ZNF451: variants seen among roughly 807,000 people sequenced by gnomAD.
ZNF451 encodes the protein zinc finger protein 451.
Under a neutral mutation model 107.1 loss-of-function variants are expected in ZNF451, and 80 were observed. The observed-to-expected ratio is 0.75, with a 90% CI of 0.62 to 0.90. The LOEUF (loss-of-function observed/expected upper bound fraction) is 0.90. Among genes scored for constraint, ZNF451 ranks in the 40% least tolerant of loss-of-function variants. ZNF451 has a pLI of 0.00. For missense variants in ZNF451, 1,107 were observed against 1,236.2 expected (o/e 0.90, Z 1.57); for synonymous variants, 362 against 406.5 (o/e 0.89, Z 1.32).
chr6:57,125,050 A>G (rs1201213492), intron 4 of ZNF451, among the ~76,000 whole-genome samples, 191 bp downstream of exon 4: 2 of 152,118 alleles, frequency 1.3e-5, no homozygotes, highest in Non-Finnish European at 2.9e-5. Flanking sequence ...TCTTATCTGT[A>G]TATAGGAAAA....
intron 3 of ZNF451, chr6:57,109,689 G>A (rs759443705): frequency 3.4e-5 from 33 of 974,956 alleles, no homozygotes; most frequent in Non-Finnish European, 3.9e-5. Flanking sequence ...AGTGTACTAA[G>A]TCATTAAAAG....
intron 3 of ZNF451, chr6:57,102,631 G>T: frequency 1.0e-6 from 1 of 986,104 alleles, no homozygotes; most frequent in South Asian, 4.7e-5. Context: ...AACTCACCAA[G>T]AGTCCGTACT....
chr6:57,160,761 T>C (rs561093692), intron 13 of ZNF451: 1 of 196,094 alleles, frequency 5.1e-6, no homozygotes, highest in Non-Finnish European at 1.0e-5. Context: ...TACCGTATTA[T>C]AAAGCCTTCG....
At chr6:57,099,509 G>T in intron 3 of ZNF451, 1 of 716,882 alleles carries the variant, frequency 1.4e-6, no homozygotes, top group South Asian at 1.5e-5. Context: ...AGAACCACAT[G>T]ACCACAGAAA....
In ZNF451 at chr6:57,117,813, C is replaced by T. The variant is rs901644513; in HGVS notation, c.187-6921C>T. On this transcript the variant is annotated intron_variant, in intron 3 of 14. Coordinates refer to ENST00000370706, the MANE Select transcript of ZNF451 (RefSeq NM_001031623.3). The stretch of plus-strand genomic sequence containing the variant: ...GTAAAGCTTTCCTGAATGACTATAA[C>T]TTCAAAAGTAACTTAAAATGGTTTT... Among the ~76,000 whole-genome samples, 12 of 152,200 alleles carry T rather than the reference C, an allele frequency of 7.9e-5. 2 individuals carry two copies. The highest frequency in any genetic ancestry group is 7.2e-4 in the Admixed American group (11 of 15,294).
chr6:57,148,672 G>T lies in ZNF451; in HGVS notation c.2587G>T (p.Asp863Tyr). The T allele has an allele frequency of 6.2e-7, 1 of 1,610,064 alleles. No homozygotes were observed. Among genetic ancestry groups the T allele is most frequent in the South Asian group, 1.1e-5 (1 of 90,550 alleles). Reference protein sequence around the residue: ...SLDMEKGVENDLSYQNIEEEI... With the variant: ...SLDMEKGVENYLSYQNIEEEI... ...AGACATGGAGAAAGGAGTTGAGAAT[G>T]ACCTAAGCTATCAGAATATAGGTAT... The change falls in exon 10 of 15, where the codon GAC becomes TAC. Residue 863 changes from aspartate to tyrosine, a missense_variant. Asp to Tyr is a radical substitution (Grantham distance 160). Transcript: ENST00000370706.
rs571822406 is a variant in ZNF451 at position 57,096,952 on chromosome 6, T to C, written c.106-2109T>C. Among the ~76,000 whole-genome samples the C allele has an allele frequency of 3.4e-3, 509 of 151,868 alleles. 3 individuals carry two copies. The highest frequency in any genetic ancestry group is 0.023 in the South Asian group (109 of 4,798). On this transcript the variant is annotated intron_variant, in intron 2 of 14. Transcript: ENST00000370706. ...CACTACACCCTATTCCTATTTTTAG[T>C]GGAGACAGGGTTTCACCATGTTGGC...
At chr6:57,113,067 G>A (rs1306852847) in intron 3 of ZNF451, among the ~76,000 whole-genome samples, 1 of 152,000 alleles carries the variant, frequency 6.6e-6, no homozygotes, top group African/African-American at 2.4e-5. Context: ...TTGTATCACG[G>A]GGGTTTGGGG....
chr6:57,102,206 G>T, intron 3 of ZNF451: 1 of 1,423,404 alleles, frequency 7.0e-7, no homozygotes, highest in South Asian at 1.6e-5. Context: ...AAAACTGGAT[G>T]CATGTCTGGA....
At chr6:57,149,457 C>A (rs7744158) in intron 10 of ZNF451, among the ~76,000 whole-genome samples, 1,827 of 152,086 alleles carry the variant, frequency 0.012, 40 homozygotes, top group African/African-American at 0.042. Context: ...GTTGCCCAGG[C>A]TGGTTTTGAA....
chr6:57,107,149 A>G, intron 3 of ZNF451: 1 of 985,432 alleles, frequency 1.0e-6, no homozygotes, highest in Non-Finnish European at 1.2e-6. Flanking sequence ...AAGTGGTCAT[A>G]GTCCAACCAT....
At chr6:57,107,108 AT>A (rs1371472395) in intron 3 of ZNF451, 1 of 985,176 alleles carries the variant, frequency 1.0e-6, no homozygotes, top group Non-Finnish European at 1.2e-6. Flanking sequence ...ATTACTGGAA[AT>A]TTTGTTTGCT....
intron 3 of ZNF451, chr6:57,102,202 G>A: frequency 7.0e-7 from 1 of 1,422,670 alleles, no homozygotes; most frequent in South Asian, 1.6e-5. Context: ...CTCAAAAACT[G>A]GATGCATGTC....
In ZNF451 at chr6:57,168,708, G is replaced by T; in HGVS notation, c.*239G>T. The T allele has an allele frequency of 2.5e-6, 1 of 407,910 alleles. No homozygotes were observed. The highest frequency in any genetic ancestry group is 4.3e-6 in the Non-Finnish European group (1 of 232,134). 25.3% of individuals were successfully genotyped at this position (407,910 alleles called of 1,614,324 possible). ...ATATAAATTATGTATTCTAATATAGGTGTAACAGTTTCCCAGTTAACTTTG... is the reference window on the plus strand; with the variant it reads ...ATATAAATTATGTATTCTAATATAGTTGTAACAGTTTCCCAGTTAACTTTG... On this transcript the variant is annotated 3_prime_UTR_variant, in exon 15 of 15. Transcript: ENST00000370706.
chr6:57,158,088 G>A (rs1277145303), intron 13 of ZNF451, among the ~76,000 whole-genome samples: 1 of 152,172 alleles, frequency 6.6e-6, no homozygotes, highest in African/African-American at 2.4e-5. Context: ...AGGAAGCACA[G>A]GTTCAGAAAG....
chr6:57,161,207 T>TA, intron 14 of ZNF451, 55 bp downstream of exon 14: 1 of 1,073,264 alleles, frequency 9.3e-7, no homozygotes, highest in Non-Finnish European at 1.3e-6. Flanking sequence ...ATTTTTTTTT[T>TA]AAATTTCTCT....
intron 3 of ZNF451, chr6:57,102,295 T>G (rs1419682510): frequency 7.8e-7 from 1 of 1,279,682 alleles, no homozygotes; most frequent in African/African-American, 1.5e-5. Context: ...ATTGGCCAAG[T>G]GAGCAGTGGA....
In ZNF451 at chr6:57,107,749, A is replaced by G. The variant is rs1249475186; in HGVS notation, c.186+8608A>G. On this transcript the variant is annotated intron_variant, in intron 3 of 14. Transcript: ENST00000370706. ...CAGGCTGTCTGTATTTTCTTTTAGGACTTTGGAGATCTCTCAAGTTGTACT... is the reference window on the plus strand; with the variant it reads ...CAGGCTGTCTGTATTTTCTTTTAGGGCTTTGGAGATCTCTCAAGTTGTACT... 5.1e-6 allele frequency: 5 copies of G among 985,006 alleles called. No individual in the cohort carries two copies. The African/African-American group carries it at 8.8e-5, about 17-fold the overall frequency. 61.0% of individuals were successfully genotyped at this position (985,006 alleles called of 1,614,324 possible). A position where few individuals can be genotyped will look rare whatever the true frequency, so the allele number is the denominator to read the frequency against.
chr6:57,124,263 G>A (rs963351291), intron 3 of ZNF451, among the ~76,000 whole-genome samples: 2 of 152,154 alleles, frequency 1.3e-5, no homozygotes, highest in Non-Finnish European at 2.9e-5. Flanking sequence ...AGGATCATGT[G>A]TGAGGGCCCC....
Sources: allele counts gnomAD v4.1 joint callset (sites outside exome capture counted in the v4.1 genomes callset), GRCh38; gene constraint gnomAD v4.1.1; transcripts MANE v1.5; gene names NCBI Gene and HGNC (gene_info 2026-07-23, HGNC 2026-07-21).